MSANTD2: variants seen among roughly 807,000 people sequenced by gnomAD.
MSANTD2 encodes the protein myb/SANT-like DNA-binding domain-containing protein 2.
Under a neutral mutation model 52.6 loss-of-function variants are expected in MSANTD2, and 19 were observed. The ratio of observed to expected loss-of-function variants is 0.36; its 90% CI spans 0.25 to 0.53. The LOEUF is 0.53. Ranked by LOEUF, MSANTD2 falls within the 20% of genes least tolerant of loss-of-function variation. MSANTD2 has a pLI of 0.91. For missense variants in MSANTD2, 558 were observed against 716.3 expected (o/e 0.78, Z 2.52); for synonymous variants, 291 against 289.7 (o/e 1.00, Z -0.04).
At chr11:124,780,135 A>G (rs952944958) in intron 1 of MSANTD2, among the ~76,000 whole-genome samples, 5 of 152,222 alleles carry the variant, frequency 3.3e-5, no homozygotes, top group Middle Eastern at 3.2e-3. Flanking sequence ...AGGAAAGACA[A>G]TATCTTATGT....
intron 1 of MSANTD2, among the ~76,000 whole-genome samples, chr11:124,777,024 T>C (rs1461978367): frequency 6.6e-6 from 1 of 152,226 alleles, no homozygotes; most frequent in African/African-American, 2.4e-5. Flanking sequence ...AGGAGACAAA[T>C]GCCTGCGGCA....
chr11:124,774,690 A>G lies in MSANTD2; in HGVS notation c.766+29T>C, dbSNP rs747415042. On this transcript the variant is annotated intron_variant, in intron 2 of 3. Transcript: ENST00000374979. This position sits in a 1 kb window ranked among gnomAD's most constrained non-coding sequence, Gnocchi z 5.1. The stretch of plus-strand genomic sequence containing the variant: ...TAAAGGTATATAAATATACACAAAC[A>G]TAAGTATCATATATGTTGGCTTTCT... 23 of 1,605,788 alleles carry G rather than the reference A, an allele frequency of 1.4e-5. No homozygotes were observed. The highest frequency in any genetic ancestry group is 4.0e-5 in the African/African-American group (3 of 74,702).
At chr11:124,799,743 G>A in intron 1 of MSANTD2, 128 bp downstream of exon 1, 1 of 624,996 alleles carries the variant, frequency 1.6e-6, no homozygotes, top group Non-Finnish European at 2.6e-6. Context: ...AAAAGGCGGA[G>A]GAGATGCGAA....
At chr11:124,794,571 G>A (rs996954026) in intron 1 of MSANTD2, among the ~76,000 whole-genome samples, 3 of 152,222 alleles carry the variant, frequency 2.0e-5, no homozygotes, top group African/African-American at 4.8e-5. Flanking sequence ...TGAGAAGATA[G>A]AAGAAATGTC....
intron 1 of MSANTD2, chr11:124,790,249 A>G (rs1945289281): frequency 6.6e-6 from 1 of 152,222 alleles, no homozygotes; most frequent in Non-Finnish European, 1.5e-5. Flanking sequence ...AAGACTGGGA[A>G]GCAGAACTGA....
At chr11:124,798,254 AAAAAAAT>A (rs1302814250) in intron 1 of MSANTD2, among the ~76,000 whole-genome samples, 1 of 149,552 alleles carries the variant, frequency 6.7e-6, no homozygotes, top group African/African-American at 2.5e-5. Context: ...AAAAAAAAAA[AAAAAAAT>A]TTAATGAGCC....
intron 1 of MSANTD2, among the ~76,000 whole-genome samples, chr11:124,796,623 T>G (rs1428391013): frequency 6.6e-6 from 1 of 152,186 alleles, no homozygotes; most frequent in Non-Finnish European, 1.5e-5. Context: ...ATAATTGAAT[T>G]TTTGACAGGA....
At chr11:124,791,697 G>A (rs911166738) in intron 1 of MSANTD2, 4 of 1,103,732 alleles carry the variant, frequency 3.6e-6, no homozygotes, top group Admixed American at 1.9e-5. Flanking sequence ...GGCTGTGGCT[G>A]GGGAAGGGGA....
intron 1 of MSANTD2, among the ~76,000 whole-genome samples, chr11:124,799,517 T>G (rs1945611275): frequency 6.6e-6 from 1 of 152,058 alleles, no homozygotes; most frequent in African/African-American, 2.4e-5. Context: ...CCCCTCCGCC[T>G]GGAACAAAGC....
chr11:124,772,426 G>A (rs935027351), intron 3 of MSANTD2, among the ~76,000 whole-genome samples: 4 of 152,312 alleles, frequency 2.6e-5, no homozygotes, highest in Middle Eastern at 3.4e-3. Context: ...GAAGGGTTAA[G>A]CTAAGATACG....
At chr11:124,799,387 G>A (rs575378272) in intron 1 of MSANTD2, among the ~76,000 whole-genome samples, 5 of 152,360 alleles carry the variant, frequency 3.3e-5, no homozygotes, top group South Asian at 2.1e-4. Context: ...GTCGTCCCAA[G>A]GCGCTTTTTC....
chr11:124,800,290 G>A lies in MSANTD2; in HGVS notation c.91C>T (p.Leu31=). The stretch of plus-strand genomic sequence containing the variant: ...GACAGCGATGGATTTCCGTCGCTCA[G>A]GCCACCAGGAGAAGCCGGGGAAAGC... ...EVLSPASPGG[L]SDGNPSLSDP... The change falls in exon 1 of 4, where the codon CTG becomes TTG. Residue 31 remains leucine, a synonymous_variant. Coordinates refer to ENST00000374979, the MANE Select transcript of MSANTD2 (RefSeq NM_001308027.2). This position sits in a 1 kb window ranked among gnomAD's most constrained non-coding sequence, Gnocchi z 4.3. 1 of 1,568,264 alleles carries A rather than the reference G, an allele frequency of 6.4e-7. No individual in the cohort carries two copies. The highest frequency in any genetic ancestry group is 8.6e-7 in the Non-Finnish European group (1 of 1,159,838).
At chr11:124,770,388 T>C (rs143928271) in intron 3 of MSANTD2, among the ~76,000 whole-genome samples, 74 of 151,636 alleles carry the variant, frequency 4.9e-4, no homozygotes, top group Non-Finnish European at 8.8e-4. Context: ...AGCTTTGACC[T>C]CCCAGACTCA....
chr11:124,795,521 T>A (rs1945467187), intron 1 of MSANTD2, among the ~76,000 whole-genome samples: 1 of 152,176 alleles, frequency 6.6e-6, no homozygotes, highest in Non-Finnish European at 1.5e-5. Flanking sequence ...TTTGAAGTCA[T>A]CACACTTATA....
intron 1 of MSANTD2, among the ~76,000 whole-genome samples, chr11:124,785,593 G>C (rs565016282): frequency 1.3e-5 from 2 of 152,308 alleles, no homozygotes; most frequent in South Asian, 4.1e-4. Flanking sequence ...TGCCACCAGA[G>C]AGTGGGGGGC....
intron 1 of MSANTD2, chr11:124,784,349 T>C (rs1421871493): frequency 3.0e-6 from 3 of 984,990 alleles, no homozygotes; most frequent in Non-Finnish European, 3.6e-6. Context: ...GTATGTGATA[T>C]CTAAAACACA....
At chr11:124,787,925 C>T (rs1945210748) in intron 1 of MSANTD2, among the ~76,000 whole-genome samples, 1 of 151,882 alleles carries the variant, frequency 6.6e-6, no homozygotes, top group South Asian at 2.1e-4. Context: ...AAAACCCCAT[C>T]TCTACAAAAA....
rs1201838189 is a variant in MSANTD2 at position 124,778,001 on chromosome 11, G to C, written c.511-3027C>G. ...AGGGAGTTTAGAGATGGATAAAAAGGAACTATGGAGACCTTCCAATTATCA... is the reference window on the plus strand; with the variant it reads ...AGGGAGTTTAGAGATGGATAAAAAGCAACTATGGAGACCTTCCAATTATCA... On this transcript the variant is annotated intron_variant, in intron 1 of 3. Transcript: ENST00000374979. 3.3e-5 allele frequency among the ~76,000 whole-genome samples: 5 copies of C among 152,126 alleles called. No homozygotes were observed. In the East Asian group the frequency reaches 7.7e-4, roughly 23 times the overall value.
chr11:124,786,636 T>G (rs1945171249), intron 1 of MSANTD2, among the ~76,000 whole-genome samples: 1 of 152,236 alleles, frequency 6.6e-6, no homozygotes, highest in Non-Finnish European at 1.5e-5. Context: ...AAGTCTTTAC[T>G]TATTAGGTTT....
Sources: allele counts gnomAD v4.1 joint callset (sites outside exome capture counted in the v4.1 genomes callset), GRCh38; gene constraint gnomAD v4.1.1; non-coding constraint Gnocchi (gnomAD v3.1); transcripts MANE v1.5; gene names NCBI Gene and HGNC (gene_info 2026-07-23, HGNC 2026-07-21).